The following OCA2 variants were observed in gnomAD, a reference collection of about 807,000 sequenced individuals.
OCA2 encodes P protein.
Under a neutral mutation model 100.2 loss-of-function variants are expected in OCA2, and 77 were observed. The ratio of observed to expected loss-of-function variants is 0.77; its 90% CI spans 0.64 to 0.93. The LOEUF (loss-of-function observed/expected upper bound fraction) is 0.93, where lower values mean the gene tolerates loss of function less well. OCA2 is among the 40% of genes least tolerant of loss of function. The pLI is 0.00. For synonymous variants in OCA2, 432 were observed against 439.2 expected (o/e 0.98, Z 0.21); for missense variants, 1,062 against 1,089.1 (o/e 0.98, Z 0.35).
At chr15:27,731,425 G>T in the OCA2 span, among the ~76,000 whole-genome samples, 1 of 152,200 alleles carries the variant, frequency 6.6e-6, no homozygotes, top group African/African-American at 2.4e-5. Context: ...AGAATGAAAT[G>T]TTGATGGTAT....
At chr15:27,897,876 C>T (rs546822602) in intron 19 of OCA2, among the ~76,000 whole-genome samples, 1 of 152,204 alleles carries the variant, frequency 6.6e-6, no homozygotes, top group South Asian at 2.1e-4. Context: ...CCGAGCTGCC[C>T]AAGACCATGG....
chr15:27,850,635 C>G (rs1383981510), intron 22 of OCA2, among the ~76,000 whole-genome samples: 1 of 152,068 alleles, frequency 6.6e-6, no homozygotes, highest in Non-Finnish European at 1.5e-5. Flanking sequence ...CCTTTTCAGC[C>G]AAGGAGATAA....
At chr15:27,743,140 C>T in the OCA2 span, among the ~76,000 whole-genome samples, 1 of 152,156 alleles carries the variant, frequency 6.6e-6, no homozygotes, top group African/African-American at 2.4e-5. Context: ...ACCCTGGTAC[C>T]CTGGCTCACA....
chr15:27,905,107 T>C (rs1393137622), intron 19 of OCA2, among the ~76,000 whole-genome samples: 1 of 143,610 alleles, frequency 7.0e-6, no homozygotes, highest in Non-Finnish European at 1.5e-5. Flanking sequence ...GAGGTTGCAA[T>C]GAGCCAAGAT....
intron 23 of OCA2, among the ~76,000 whole-genome samples, chr15:27,756,412 A>G (rs2150974553): frequency 6.6e-6 from 1 of 152,360 alleles, no homozygotes; most frequent in East Asian, 1.9e-4. Context: ...CCGAAATTAT[A>G]GAGTAGACTT....
chr15:28,046,634 G>A (rs1241302723), intron 2 of OCA2, among the ~76,000 whole-genome samples: 2 of 152,174 alleles, frequency 1.3e-5, no homozygotes, highest in African/African-American at 4.8e-5. Context: ...AGAGGGCAGG[G>A]GGAAAGGAGG....
chr15:27,837,883 GAA>G (rs71414520), intron 23 of OCA2, among the ~76,000 whole-genome samples: 4 of 87,996 alleles, frequency 4.5e-5, no homozygotes, highest in Admixed American at 1.3e-4. Flanking sequence ...CCCCACGACT[GAA>G]AAAAAAAAAA....
At chr15:27,810,019 T>G (rs1416982132) in intron 23 of OCA2, among the ~76,000 whole-genome samples, 1 of 152,154 alleles carries the variant, frequency 6.6e-6, no homozygotes, top group African/African-American at 2.4e-5. Flanking sequence ...TTTAAAATCC[T>G]AAACTTCATG....
intron 19 of OCA2, among the ~76,000 whole-genome samples, chr15:27,903,253 T>A (rs2038033036): frequency 6.6e-6 from 1 of 152,186 alleles, no homozygotes; most frequent in Non-Finnish European, 1.5e-5. Flanking sequence ...CCCAGCTGTG[T>A]GTGTTTCTCA....
At chr15:28,038,353 C>T (rs1444954221) in intron 2 of OCA2, among the ~76,000 whole-genome samples, 1 of 152,188 alleles carries the variant, frequency 6.6e-6, no homozygotes, top group African/African-American at 2.4e-5. Flanking sequence ...GACTATGATT[C>T]CTCACCCGTG....
intron 19 of OCA2, chr15:27,896,102 T>C: frequency 8.6e-7 from 1 of 1,161,004 alleles, no homozygotes; most frequent in Non-Finnish European, 1.3e-6. Flanking sequence ...GCATTGATGG[T>C]CAGCCAAGTG....
At chr15:27,886,909 G>C (rs994720142) in intron 19 of OCA2, among the ~76,000 whole-genome samples, 2 of 152,190 alleles carry the variant, frequency 1.3e-5, no homozygotes, top group African/African-American at 4.8e-5. Flanking sequence ...GTTTGCCTCT[G>C]TGTCCCCACC....
intron 2 of OCA2, among the ~76,000 whole-genome samples, chr15:28,042,920 A>T (rs564608374): frequency 6.6e-6 from 1 of 152,266 alleles, no homozygotes; most frequent in East Asian, 1.9e-4. Flanking sequence ...CCCTAATTGG[A>T]AAATATGTTA....
Position 27,957,444 on chromosome 15 carries a change from G to T in OCA2, c.1784+144C>A. 1.0e-6 allele frequency: 1 copy of T among 990,398 alleles called. No homozygotes were observed. The highest frequency in any genetic ancestry group is 1.6e-6 in the Non-Finnish European group (1 of 638,578). The allele number at this position is 990,398 out of a possible 1,614,324, so 61.4% of individuals were successfully genotyped here. A position where few individuals can be genotyped will look rare whatever the true frequency, so the allele number is the denominator to read the frequency against. ...CCCCTGCAGAGCTCAGTGAGGGTTAGATAAAATGTACTATAAGAGGCTTAG... is the reference window on the plus strand; with the variant it reads ...CCCCTGCAGAGCTCAGTGAGGGTTATATAAAATGTACTATAAGAGGCTTAG... On this transcript the variant is annotated intron_variant, in intron 16 of 23. Coordinates refer to ENST00000354638, the MANE Select transcript of OCA2 (RefSeq NM_000275.3). The surrounding 1 kb of genome is among the most constrained non-coding windows in gnomAD (Gnocchi z 4.3).
At chr15:27,818,347 C>T (rs1265203792) in intron 23 of OCA2, among the ~76,000 whole-genome samples, 1 of 152,162 alleles carries the variant, frequency 6.6e-6, no homozygotes, top group African/African-American at 2.4e-5. Context: ...CGGGATCACA[C>T]CACCGCACTC....
Position 27,794,480 on chromosome 15 carries a change from G to A in OCA2, c.2433-39008C>T, listed in dbSNP as rs575469237. Among the ~76,000 whole-genome samples, 22 of 152,264 alleles carry A rather than the reference G, an allele frequency of 1.4e-4. No homozygotes were observed. The South Asian group carries it at 4.2e-3, about 29-fold the overall frequency. On this transcript the variant is annotated intron_variant, in intron 23 of 23. Transcript: ENST00000354638. ...TCGGGAGTATATCAATACATAAGCAGGACTGTAGCCATGCATATCTTTGGC... is the reference window on the plus strand; with the variant it reads ...TCGGGAGTATATCAATACATAAGCAAGACTGTAGCCATGCATATCTTTGGC...
intron 23 of OCA2, among the ~76,000 whole-genome samples, chr15:27,814,006 C>T (rs1176284571): frequency 6.6e-6 from 1 of 151,758 alleles, no homozygotes; most frequent in Non-Finnish European, 1.5e-5. Context: ...ATTGGAATAC[C>T]CATCACCTTA....
At chr15:28,011,282 T>G (rs937217240) in intron 9 of OCA2, among the ~76,000 whole-genome samples, 1 of 152,034 alleles carries the variant, frequency 6.6e-6, no homozygotes, top group Non-Finnish European at 1.5e-5. Flanking sequence ...CTGGGCAACA[T>G]AGCAAGACCC....
At chr15:28,028,672 T>TTTG (rs987706815) in intron 3 of OCA2, among the ~76,000 whole-genome samples, 7 of 152,188 alleles carry the variant, frequency 4.6e-5, no homozygotes, top group South Asian at 2.1e-4. Flanking sequence ...TTTTGGGATT[T>TTTG]TTGTTGTTGT....
Sources: gnomAD v4.1 joint callset for allele counts (sites outside exome capture counted in the v4.1 genomes callset) on GRCh38, gnomAD v4.1.1 for gene constraint, Gnocchi (gnomAD v3.1) non-coding constraint, MANE v1.5 for transcripts, NCBI Gene and HGNC (gene_info 2026-07-23, HGNC 2026-07-21) for gene names.